Variants in ITGBL1 observed in about 807,000 individuals in gnomAD.
The protein encoded by ITGBL1 is integrin subunit beta like 1.
ITGBL1 carries 51 observed loss-of-function variants against 68.5 expected under a neutral mutation model. That is an observed-to-expected ratio of 0.74 (90% CI 0.59 to 0.94). The LOEUF (loss-of-function observed/expected upper bound fraction) is 0.94, where lower values mean the gene tolerates loss of function less well. Among genes scored for constraint, ITGBL1 ranks in the 40% least tolerant of loss-of-function variants. The pLI is 0.00. For synonymous variants in ITGBL1, 209 were observed against 227.3 expected, an observed-to-expected ratio of 0.92 and a Z score of 0.72; for missense variants, 649 against 647.4, an observed-to-expected ratio of 1.00 and a Z score of -0.03.
intron 3 of ITGBL1, among the ~76,000 whole-genome samples, chr13:101,570,920 C>G (rs2050261527): frequency 6.6e-6 from 1 of 152,118 alleles, no homozygotes; most frequent in African/African-American, 2.4e-5. Context: ...TTAGTCTGCT[C>G]AGGGGTTCTT....
intron 2 of ITGBL1, among the ~76,000 whole-genome samples, chr13:101,508,066 C>G (rs993990593): frequency 3.9e-5 from 6 of 152,150 alleles, no homozygotes; most frequent in Non-Finnish European, 7.4e-5. Context: ...TATCTGCTCA[C>G]TGACTCACAG....
intron 7 of ITGBL1, among the ~76,000 whole-genome samples, chr13:101,668,254 G>T (rs1430199458): frequency 6.6e-6 from 1 of 152,130 alleles, no homozygotes; most frequent in Non-Finnish European, 1.5e-5. Context: ...CAAGCATGGT[G>T]GTGGCCTCCT....
intron 2 of ITGBL1, among the ~76,000 whole-genome samples, chr13:101,544,259 T>C (rs2049773081): frequency 6.6e-6 from 1 of 152,196 alleles, no homozygotes; most frequent in Non-Finnish European, 1.5e-5. Flanking sequence ...GTTTGTTAGT[T>C]TTCCTTCTAA....
chr13:101,594,481 C>T (rs372275874), intron 6 of ITGBL1, among the ~76,000 whole-genome samples: 7 of 151,804 alleles, frequency 4.6e-5, no homozygotes, highest in East Asian at 1.9e-4. Flanking sequence ...TAAAACTACT[C>T]GAAGAAACGT....
At chr13:101,568,192 C>G (rs551781871) in intron 3 of ITGBL1, among the ~76,000 whole-genome samples, 1 of 152,212 alleles carries the variant, frequency 6.6e-6, no homozygotes, top group South Asian at 2.1e-4. Flanking sequence ...TGTTACAGAT[C>G]ACGGGTGCTT....
chr13:101,715,767 G>A lies in ITGBL1; in HGVS notation c.*113G>A. The A allele has an allele frequency of 3.3e-6, 2 of 608,820 alleles. No homozygotes were observed. Among genetic ancestry groups the A allele is most frequent in the Admixed American group, 2.7e-5 (1 of 37,330 alleles). 37.7% of individuals were successfully genotyped at this position (608,820 alleles called of 1,614,324 possible). A position where few individuals can be genotyped will look rare whatever the true frequency, so the allele number is the denominator to read the frequency against. ...GGACAGGTTAAAAAGACCATTGTAT[G>A]TTTTTCTATTTCTGAATTACGAATG... On this transcript the variant is annotated 3_prime_UTR_variant, in exon 11 of 11. Transcript: ENST00000376180.
At chr13:101,622,575 A>AG in intron 7 of ITGBL1, among the ~76,000 whole-genome samples, 1 of 152,176 alleles carries the variant, frequency 6.6e-6, no homozygotes, top group East Asian at 1.9e-4. Flanking sequence ...TGACTCCATG[A>AG]GTAGTGTTGA....
chr13:101,671,543 A>T (rs1164562830), intron 7 of ITGBL1, among the ~76,000 whole-genome samples: 1 of 140,582 alleles, frequency 7.1e-6, no homozygotes, highest in African/African-American at 2.6e-5. Flanking sequence ...GGTTCACGCC[A>T]TTCTCCTGCC....
chr13:101,497,550 C>T (rs947880757), intron 2 of ITGBL1, among the ~76,000 whole-genome samples: 4 of 152,284 alleles, frequency 2.6e-5, no homozygotes, highest in Admixed American at 1.3e-4. Flanking sequence ...AAAAGTTCTA[C>T]GTAATTGAGC....
At chr13:101,621,704 AAAAG>A (rs1175406775) in intron 7 of ITGBL1, among the ~76,000 whole-genome samples, 1 of 152,180 alleles carries the variant, frequency 6.6e-6, no homozygotes, top group Non-Finnish European at 1.5e-5. Context: ...AGATAATACA[AAAAG>A]AAAGCTTTTT....
At chr13:101,549,828 T>C (rs569936612) in intron 2 of ITGBL1, among the ~76,000 whole-genome samples, 41 of 152,216 alleles carry the variant, frequency 2.7e-4, no homozygotes, top group African/African-American at 9.4e-4. Context: ...TGAAAATAAA[T>C]TTAATATAAC....
intron 7 of ITGBL1, among the ~76,000 whole-genome samples, chr13:101,635,382 TAG>T (rs2032137170): frequency 6.6e-6 from 1 of 152,060 alleles, no homozygotes. Flanking sequence ...TCTATTTCAA[TAG>T]AATGAATAAG....
chr13:101,716,943 C>T (rs1157355723), downstream of ITGBL1: 1 of 151,886 alleles, frequency 6.6e-6, no homozygotes, highest in Non-Finnish European at 1.5e-5. Context: ...TGGGACTTCC[C>T]TTACATATTT....
At chr13:101,671,598 C>T (rs1387972393) in intron 7 of ITGBL1, among the ~76,000 whole-genome samples, 1 of 150,580 alleles carries the variant, frequency 6.6e-6, no homozygotes, top group Non-Finnish European at 1.5e-5. Context: ...GCCACCACGC[C>T]CGGCTAATTT....
chr13:101,680,280 G>T (rs1490901212), intron 7 of ITGBL1, among the ~76,000 whole-genome samples: 4 of 152,150 alleles, frequency 2.6e-5, no homozygotes, highest in Non-Finnish European at 5.9e-5. Flanking sequence ...GTGCAATCAG[G>T]TTGCTATGGC....
chr13:101,597,209 G>T (rs866035192), intron 6 of ITGBL1, among the ~76,000 whole-genome samples: 10 of 152,202 alleles, frequency 6.6e-5, no homozygotes, highest in Middle Eastern at 3.4e-3. Flanking sequence ...TCTCAGTTTT[G>T]CTGTGCACCT....
chr13:101,641,287 A>G (rs1474732932), intron 7 of ITGBL1, among the ~76,000 whole-genome samples: 1 of 152,178 alleles, frequency 6.6e-6, no homozygotes, highest in Admixed American at 6.5e-5. Context: ...AAATAAATGC[A>G]TTACTTTAAT....
chr13:101,705,788 A>C (rs1164052498), intron 8 of ITGBL1, among the ~76,000 whole-genome samples: 2 of 152,140 alleles, frequency 1.3e-5, no homozygotes, highest in Non-Finnish European at 2.9e-5. Context: ...CAGAGAGGCT[A>C]ATCAGTGTGA....
Position 101,598,175 on chromosome 13 carries a change from A to C in ITGBL1, c.891A>C (p.Gly297=), listed in dbSNP as rs1299450129. 6.2e-7 allele frequency: 1 copy of C among 1,613,322 alleles called. No homozygotes were observed. The highest frequency in any genetic ancestry group is 1.3e-5 in the African/African-American group (1 of 74,814). Residue 297 remains glycine, a synonymous_variant, in exon 7 of 11, where the codon GGA becomes GGC. Transcript: ENST00000376180. ...FCSGHGQCNC[G]RCDCKAGWYG... The stretch of plus-strand genomic sequence containing the variant: ...AAGGTCATGGACAGTGTAATTGCGG[A>C]AGATGTGACTGCAAAGCAGGCTGGT...
Sources: gnomAD v4.1 joint callset for allele counts (sites outside exome capture counted in the v4.1 genomes callset) on GRCh38, gnomAD v4.1.1 for gene constraint, MANE v1.5 for transcripts, NCBI Gene and HGNC (gene_info 2026-07-23, HGNC 2026-07-21) for gene names.